The following SYNE2 variants were observed in gnomAD, a reference collection of about 807,000 sequenced individuals.
The protein encoded by SYNE2 is spectrin repeat containing nuclear envelope protein 2.
Under a neutral mutation model 856.3 loss-of-function variants are expected in SYNE2, and 431 were observed. That is an observed-to-expected ratio of 0.50 (90% confidence interval 0.47 to 0.55). The LOEUF (loss-of-function observed/expected upper bound fraction) is 0.55, where lower values mean the gene tolerates loss of function less well. SYNE2 is among the 20% of genes least tolerant of loss of function. The pLI is 0.00. For synonymous variants in SYNE2, 2,923 were observed against 2,872.3 expected (o/e 1.02, Z -0.56); for missense variants, 8,129 against 8,023.2 (o/e 1.01, Z -0.50).
intron 100 of SYNE2, among the ~76,000 whole-genome samples, chr14:64,204,778 A>G (rs1318446281): frequency 6.6e-6 from 1 of 152,244 alleles, no homozygotes; most frequent in Non-Finnish European, 1.5e-5. Flanking sequence ...CTACTGCTGT[A>G]ACAAATTACA....
At chr14:64,188,125 G>A (rs1340755708) in intron 97 of SYNE2, among the ~76,000 whole-genome samples, 1 of 152,200 alleles carries the variant, frequency 6.6e-6, no homozygotes, top group Non-Finnish European at 1.5e-5. Flanking sequence ...CATTATAAAT[G>A]TTTGATTGAC....
At chr14:64,012,674 A>T (rs1424164019) in intron 32 of SYNE2, among the ~76,000 whole-genome samples, 1 of 152,224 alleles carries the variant, frequency 6.6e-6, no homozygotes, top group East Asian at 1.9e-4. Flanking sequence ...CCTCTAGTAT[A>T]TGGGTACTTC....
intron 61 of SYNE2, chr14:64,095,202 G>A (rs1041792445): frequency 1.4e-4 from 23 of 169,084 alleles, no homozygotes; most frequent in African/African-American, 5.1e-4. Context: ...AGACAATCCA[G>A]CCTCTCAAAG....
At chr14:64,224,181 C>CAGAAAAAA (rs556126119) in intron 113 of SYNE2, among the ~76,000 whole-genome samples, 1 of 74,748 alleles carries the variant, frequency 1.3e-5, no homozygotes, top group African/African-American at 5.5e-5. Flanking sequence ...CCCGTCTCTG[C>CAGAAAAAA]AAAAAAAAAA....
intron 8 of SYNE2, among the ~76,000 whole-genome samples, chr14:63,961,065 T>C (rs1258962589): frequency 6.6e-6 from 1 of 152,228 alleles, no homozygotes; most frequent in Non-Finnish European, 1.5e-5. Context: ...TAGATAAGCC[T>C]TCCGTACAAT....
chr14:64,143,730 A>G, intron 82 of SYNE2, 42 bp from the exon 83 acceptor site: 8 of 1,609,156 alleles, frequency 5.0e-6, no homozygotes, highest in South Asian at 1.1e-5. Flanking sequence ...TGATCTGACC[A>G]ACATTCATGA....
At position 64,056,015 on chromosome 14, in the gene SYNE2, C is replaced by A. The variant is rs369862467; in HGVS notation, c.9816C>A (p.Ile3272=). The change falls in exon 49 of 116, where the codon ATC becomes ATA. Residue 3272 remains isoleucine (I), a synonymous_variant. Transcript: ENST00000555002. The part of the protein sequence containing the change: ...KEAVTRAVES[I]TSLEAIIIPY... ...CAGTCACCAGGGCAGTGGAGAGCATCACTTCCCTCGAAGCCATCATTATAC... is the reference window on the plus strand; with the variant it reads ...CAGTCACCAGGGCAGTGGAGAGCATAACTTCCCTCGAAGCCATCATTATAC... 1 of 1,614,046 alleles carries A rather than the reference C, an allele frequency of 6.2e-7. No individual in the cohort carries two copies. The highest frequency in any genetic ancestry group is 1.1e-5 in the South Asian group (1 of 91,076).
Position 64,122,082 on chromosome 14 carries a change from G to A in SYNE2, c.13229G>A (p.Trp4410Ter). The change falls in exon 69 of 116, where the codon TGG becomes TAG. Residue 4410 changes from tryptophan to a stop codon, truncating the protein, a stop_gained. Transcript: ENST00000555002. LOFTEE classifies it high-confidence loss of function. ...ATAGAATTTAATGCTAAGAAAATGT[G>A]GCCCCAGTATTGCCAACATGATAAC... The part of the protein sequence containing the change: ...KFIEFNAKKM[W>*]PQYCQHDNDT... 1 of 1,614,024 alleles carries A rather than the reference G, an allele frequency of 6.2e-7. No homozygotes were observed. Among genetic ancestry groups the A allele is most frequent in the Non-Finnish European group, 8.5e-7 (1 of 1,180,000 alleles).
intron 97 of SYNE2, among the ~76,000 whole-genome samples, chr14:64,187,877 G>C (rs1041081534): frequency 6.6e-6 from 1 of 152,134 alleles, no homozygotes; most frequent in Non-Finnish European, 1.5e-5. Flanking sequence ...TAAGGAGGAG[G>C]ACCCTTAGCT....
chr14:63,804,500 T>G (rs147641955), intron 1 of SYNE2, among the ~76,000 whole-genome samples: 1 of 152,148 alleles, frequency 6.6e-6, no homozygotes, highest in East Asian at 1.9e-4. Context: ...TTCCTTTCTT[T>G]TCCTTTTTTT....
chr14:63,912,579 C>T (rs993007083), intron 2 of SYNE2, among the ~76,000 whole-genome samples: 2 of 152,096 alleles, frequency 1.3e-5, no homozygotes, highest in African/African-American at 4.8e-5. Context: ...GTTTCAGAAC[C>T]TTTTTTTAGA....
rs1240489860 is a variant in SYNE2 at position 64,089,707 on chromosome 14, A to T, written c.11793+11A>T. 4 of 1,547,272 alleles carry T rather than the reference A, an allele frequency of 2.6e-6. No homozygotes were observed. The South Asian group carries it at 4.5e-5, about 17-fold the overall frequency. On this transcript the variant is annotated intron_variant, in intron 59 of 115. Coordinates refer to ENST00000555002, the MANE Select transcript of SYNE2 (RefSeq NM_182914.3). ...CTCAAACATGGGGAGGTAAGCATAGATTATTATTTAAAGTATTTTCTTATG... is the reference window on the plus strand; with the variant it reads ...CTCAAACATGGGGAGGTAAGCATAGTTTATTATTTAAAGTATTTTCTTATG...
chr14:63,976,858 T>C, intron 12 of SYNE2, 131 bp downstream of exon 12: 1 of 937,660 alleles, frequency 1.1e-6, no homozygotes, highest in Non-Finnish European at 1.6e-6. Flanking sequence ...ATGATTCCTC[T>C]GGGGATTTTT....
At chr14:64,155,240 T>C (rs369419449) in intron 85 of SYNE2, among the ~76,000 whole-genome samples, 17 of 152,150 alleles carry the variant, frequency 1.1e-4, no homozygotes, top group African/African-American at 4.1e-4. Context: ...AATGAATGTA[T>C]AAAGAAAACG....
At chr14:63,940,402 A>G (rs752161915) in intron 2 of SYNE2, among the ~76,000 whole-genome samples, 2 of 152,148 alleles carry the variant, frequency 1.3e-5, no homozygotes, top group Non-Finnish European at 2.9e-5. Flanking sequence ...TGTCTCGTCA[A>G]CAAACCCATG....
intron 1 of SYNE2, among the ~76,000 whole-genome samples, chr14:63,814,691 TATATATATCCATATATATCC>T (rs1470090518): frequency 9.0e-6 from 1 of 110,512 alleles, no homozygotes; most frequent in Non-Finnish European, 1.8e-5. Context: ...TATATATCCA[TATATATATCCATATATATCC>T]ATATATATCC....
At chr14:64,033,872 T>C (rs2097062890) in intron 45 of SYNE2, among the ~76,000 whole-genome samples, 1 of 152,214 alleles carries the variant, frequency 6.6e-6, no homozygotes, top group Admixed American at 6.5e-5. Flanking sequence ...TAAGTTTGGA[T>C]ACAGATAACT....
intron 84 of SYNE2, among the ~76,000 whole-genome samples, chr14:64,147,792 A>G (rs1342060763): frequency 3.9e-5 from 6 of 152,226 alleles, no homozygotes; most frequent in African/African-American, 1.2e-4. Flanking sequence ...TCTATGGCCA[A>G]CATTAGGCAA....
At chr14:63,764,603 T>C (rs905903644) in intron 1 of SYNE2, among the ~76,000 whole-genome samples, 5 of 148,588 alleles carry the variant, frequency 3.4e-5, no homozygotes, top group East Asian at 2.0e-4. Context: ...CTAGGATACA[T>C]GTGCAGAACG....
Sources: gnomAD v4.1 joint callset for allele counts (sites outside exome capture counted in the v4.1 genomes callset) on GRCh38, gnomAD v4.1.1 for gene constraint, MANE v1.5 for transcripts, NCBI Gene and HGNC (gene_info 2026-07-23, HGNC 2026-07-21) for gene names.